FAT4: variants seen among roughly 807,000 people sequenced by gnomAD.
The protein encoded by FAT4 is protocadherin Fat 4.
Under a neutral mutation model 303.9 loss-of-function variants are expected in FAT4, and 84 were observed. The observed-to-expected ratio is 0.28, with a 90% CI of 0.23 to 0.33. FAT4 has a LOEUF of 0.33. Ranked by LOEUF, FAT4 falls within the 10% of genes least tolerant of loss-of-function variation. FAT4 has a pLI of 1.00. For synonymous variants in FAT4, 2,307 were observed against 2,298.8 expected (o/e 1.00, Z -0.10); for missense variants, 6,005 against 6,146.8 (o/e 0.98, Z 0.77).
At position 125,316,253 on chromosome 4, in the gene FAT4, T is replaced by G; in HGVS notation, c.-12-147T>G. ...GCTACCTAGAGTCTTTTGCTGATGC[T>G]ACTTGCTTTTGCCGGACTGGAGGTT... On this transcript the variant is annotated intron_variant, in intron 1 of 17. Coordinates refer to ENST00000394329, the MANE Select transcript of FAT4 (RefSeq NM_001291303.3). The surrounding 1 kb of genome is among the most constrained non-coding windows in gnomAD (Gnocchi z 5.7). 3.1e-6 allele frequency: 3 copies of G among 956,768 alleles called. No individual in the cohort carries two copies. The highest frequency in any genetic ancestry group is 3.3e-5 in the South Asian group (2 of 59,824). 59.3% of individuals were successfully genotyped at this position (956,768 alleles called of 1,614,324 possible).
In FAT4 at chr4:125,425,450, T is replaced by G. The variant is rs544939740; in HGVS notation, c.7019-8795T>G. On this transcript the variant is annotated intron_variant, in intron 7 of 17. Coordinates refer to ENST00000394329, the MANE Select transcript of FAT4 (RefSeq NM_001291303.3). The stretch of plus-strand genomic sequence containing the variant: ...TTTCTTCCCTTTGGATTAAATTTTA[T>G]TTTTATATTAAAGAGAACATTGGTT... 2.4e-4 allele frequency among the ~76,000 whole-genome samples: 37 copies of G among 152,248 alleles called. 1 individual carries two copies. In the East Asian group the frequency reaches 6.4e-3, roughly 26 times the overall value.
At chr4:125,346,805 G>T (rs574097945) in intron 2 of FAT4, among the ~76,000 whole-genome samples, 22 of 151,992 alleles carry the variant, frequency 1.4e-4, no homozygotes, top group Non-Finnish European at 2.4e-4. Context: ...CCTCAATTTG[G>T]GAGGGGAACA....
At chr4:125,476,359 T>A in intron 13 of FAT4, 103 bp downstream of exon 13, 1 of 437,078 alleles carries the variant, frequency 2.3e-6, no homozygotes, top group Non-Finnish European at 3.8e-6. Flanking sequence ...ACATAAAGCT[T>A]AAGATATTTT....
chr4:125,470,934 A>G (rs1222700925), intron 12 of FAT4, among the ~76,000 whole-genome samples: 1 of 152,194 alleles, frequency 6.6e-6, no homozygotes, highest in African/African-American at 2.4e-5. Flanking sequence ...CTTCGTCACT[A>G]AGCTTATTCA....
rs1489261065 is a variant in FAT4, at chr4:125,449,063, TC to T, written c.8057del (p.Pro2686LeufsTer20). On this transcript the variant is annotated frameshift_variant, in exon 10 of 18. Transcript: ENST00000394329. LOFTEE classifies it high-confidence loss of function. The part of the protein sequence containing the change: ...PFISEILENL[S>X]PRKILTVSAM... ...TATATCTGAAATATTGGAAAACCTTTCCCCTCGAAAAATACTTACTGTTTCG... is the reference window on the plus strand; with the variant it reads ...TATATCTGAAATATTGGAAAACCTTTCCCTCGAAAAATACTTACTGTTTCG... 1.2e-6 allele frequency: 2 copies of T among 1,613,828 alleles called. No individual in the cohort carries two copies. The highest frequency in any genetic ancestry group is 1.7e-6 in the Non-Finnish European group (2 of 1,179,854).
chr4:125,429,811 A>G (rs1162139084), intron 7 of FAT4, among the ~76,000 whole-genome samples: 1 of 152,212 alleles, frequency 6.6e-6, no homozygotes, highest in Non-Finnish European at 1.5e-5. Flanking sequence ...AGTAACTTGC[A>G]AGAGCAGACC....
Position 125,449,861 on chromosome 4 carries a change from C to T in FAT4, c.8851C>T (p.His2951Tyr). The T allele has an allele frequency of 6.2e-7, 1 of 1,613,840 alleles. No individual in the cohort carries two copies. Among genetic ancestry groups the T allele is most frequent in the Non-Finnish European group, 8.5e-7 (1 of 1,179,848 alleles). Residue 2951 changes from histidine to tyrosine, a missense_variant, in exon 10 of 18, where the codon CAT (histidine) becomes TAT (tyrosine). Coordinates refer to ENST00000394329, the MANE Select transcript of FAT4 (RefSeq NM_001291303.3). ...CTTCAGTAATGTGAATATCAACAGG[C>T]ATAGTTTTATAGTGACATCTTCAGA... ...TGFSNVNINR[H>Y]SFIVTSSDRG...
chr4:125,365,306 G>T (rs1210857659), intron 2 of FAT4, among the ~76,000 whole-genome samples: 1 of 152,170 alleles, frequency 6.6e-6, no homozygotes, highest in Non-Finnish European at 1.5e-5. Context: ...ATTAAAATTT[G>T]CATTTGGAGT....
rs550239547 is a variant in FAT4 at position 125,317,303 on chromosome 4, A to G, written c.892A>G (p.Met298Val). Residue 298 changes from methionine (M) to valine (V), a missense_variant, in exon 2 of 18, where the codon ATG becomes GTG. Met to Val is a conservative substitution (Grantham distance 21, BLOSUM62 1). Transcript: ENST00000394329. The surrounding 1 kb of genome is among the most constrained non-coding windows in gnomAD (Gnocchi z 7.0). ...RLQDEGTPFQ[M>V]DPETGLITVR... ...GCAGGACGAGGGGACCCCCTTCCAA[A>G]TGGACCCTGAGACGGGACTTATCAC... The G allele has an allele frequency of 1.1e-5, 17 of 1,600,602 alleles. No homozygotes were observed. In the South Asian group the frequency reaches 1.8e-4, roughly 17 times the overall value.
chr4:125,432,871 C>T (rs771838977), intron 7 of FAT4, among the ~76,000 whole-genome samples: 2 of 151,994 alleles, frequency 1.3e-5, no homozygotes, highest in African/African-American at 4.8e-5. Context: ...AATTTAATTG[C>T]ATCATTTTCT....
chr4:125,431,482 A>G (rs899813058), intron 7 of FAT4, among the ~76,000 whole-genome samples: 2 of 152,240 alleles, frequency 1.3e-5, no homozygotes, highest in African/African-American at 4.8e-5. Flanking sequence ...TGAGAGCTGT[A>G]ATACAGAAAA....
rs1477433512 is a variant in FAT4, at chr4:125,407,350, G to T, written c.5569+209G>T. On this transcript the variant is annotated intron_variant, in intron 4 of 17. Transcript: ENST00000394329. ...GGCTAAATTTTTTAGGATGAATGAG[G>T]TTAGCCATTTATGTGTCTGAAAGTA... Among the ~76,000 whole-genome samples, 5 of 151,960 alleles carry T rather than the reference G, an allele frequency of 3.3e-5. No homozygotes were observed. The East Asian group carries it at 9.7e-4, about 29-fold the overall frequency.
At chr4:125,411,235 A>C (rs1252430437) in intron 5 of FAT4, among the ~76,000 whole-genome samples, 1 of 152,048 alleles carries the variant, frequency 6.6e-6, no homozygotes, top group African/African-American at 2.4e-5. Flanking sequence ...TTTAGCTTAC[A>C]TGATGATTTC....
chr4:125,379,469 A>AT (rs930360010), intron 2 of FAT4, among the ~76,000 whole-genome samples: 7 of 150,962 alleles, frequency 4.6e-5, no homozygotes, highest in African/African-American at 1.5e-4. Flanking sequence ...TTATTTATTT[A>AT]TTTTTTTTGA....
intron 12 of FAT4, among the ~76,000 whole-genome samples, chr4:125,472,262 G>A (rs1726890880): frequency 6.6e-6 from 1 of 151,938 alleles, no homozygotes; most frequent in African/African-American, 2.4e-5. Context: ...TGACTTCATG[G>A]CAATCTTTAA....
At chr4:125,366,445 C>G (rs1293623008) in intron 2 of FAT4, among the ~76,000 whole-genome samples, 2 of 152,138 alleles carry the variant, frequency 1.3e-5, no homozygotes, top group Non-Finnish European at 2.9e-5. Context: ...CTTTTAATGG[C>G]TGCGTAGTAT....
chr4:125,334,469 A>G (rs1253859389), intron 2 of FAT4, among the ~76,000 whole-genome samples: 2 of 152,100 alleles, frequency 1.3e-5, no homozygotes, highest in African/African-American at 4.8e-5. Flanking sequence ...CAATTCTGAG[A>G]AATTGCTTCC....
At chr4:125,456,395 GAGATAAT>G (rs1378581258) in intron 10 of FAT4, among the ~76,000 whole-genome samples, 1 of 152,004 alleles carries the variant, frequency 6.6e-6, no homozygotes, top group African/African-American at 2.4e-5. Context: ...TGCATAGTAG[GAGATAAT>G]CCAACTGATC....
At chr4:125,365,872 G>T (rs946045055) in intron 2 of FAT4, among the ~76,000 whole-genome samples, 4 of 152,132 alleles carry the variant, frequency 2.6e-5, no homozygotes, top group Admixed American at 6.6e-5. Flanking sequence ...CAACCCCGGG[G>T]CCACTGACCA....
Sources: allele counts gnomAD v4.1 joint callset (sites outside exome capture counted in the v4.1 genomes callset), GRCh38; gene constraint gnomAD v4.1.1; non-coding constraint Gnocchi (gnomAD v3.1); transcripts MANE v1.5; gene names NCBI Gene and HGNC (gene_info 2026-07-23, HGNC 2026-07-21).